Variants in HEATR5A observed in about 807,000 individuals in gnomAD.
HEATR5A encodes the protein HEAT repeat-containing protein 5A.
In HEATR5A, 178 loss-of-function variants were observed where a neutral mutation model predicts 218.8. The ratio of observed to expected loss-of-function variants is 0.81; its 90% CI spans 0.72 to 0.92. The LOEUF (loss-of-function observed/expected upper bound fraction) is 0.92. Ranked by LOEUF, HEATR5A falls within the 40% of genes least tolerant of loss-of-function variation. The probability of loss-of-function intolerance (pLI) is 0.00; values close to 1 mark genes in which losing one functional copy is unlikely to be tolerated. For synonymous variants in HEATR5A, 864 were observed against 871.6 expected (o/e 0.99, Z 0.15); for missense variants, 2,420 against 2,418.9 (o/e 1.00, Z -0.01).
In HEATR5A at chr14:31,313,157, G is replaced by A. The variant is rs1899810520; in HGVS notation, c.4252C>T (p.His1418Tyr). 6.2e-7 allele frequency: 1 copy of A among 1,613,564 alleles called. No individual in the cohort carries two copies. Among genetic ancestry groups the A allele is most frequent in the Non-Finnish European group, 8.5e-7 (1 of 1,179,698 alleles). Residue 1418 changes from histidine (H) to tyrosine (Y), a missense_variant, in exon 28 of 36, where the codon CAC becomes TAC. His to Tyr is a moderately conservative substitution (Grantham distance 83). Transcript: ENST00000543095. ...YIIAVQRHKN[H>Y]RQPLKTTTCL... The stretch of plus-strand genomic sequence containing the variant: ...GTGGTAGTCTTCAAAGGTTGTCTGT[G>A]GTTTTTATGTCTTTGCACAGCAATT...
intron 16 of HEATR5A, among the ~76,000 whole-genome samples, chr14:31,352,993 G>A (rs1901286279): frequency 1.1e-5 from 1 of 88,966 alleles, no homozygotes; most frequent in African/African-American, 3.5e-5. Flanking sequence ...AAAATAAAAT[G>A]TAATAAAAAT....
intron 10 of HEATR5A, 24 bp from the exon 11 acceptor site, chr14:31,380,602 TA>T: frequency 2.8e-6 from 4 of 1,440,674 alleles, no homozygotes; most frequent in Non-Finnish European, 3.8e-6. Context: ...GAACAAGTTT[TA>T]AAAAAAGCAT....
chr14:31,337,349 C>A, intron 22 of HEATR5A, 127 bp downstream of exon 22: 1 of 741,732 alleles, frequency 1.3e-6, no homozygotes, highest in African/African-American at 1.8e-5. Context: ...TAACTGTTAG[C>A]AATTCTTTCT....
In HEATR5A at chr14:31,302,372, C is replaced by T. The variant is rs1424069723; in HGVS notation, c.5387G>A (p.Arg1796Gln). 8.1e-6 allele frequency: 13 copies of T among 1,603,926 alleles called. No homozygotes were observed. Among genetic ancestry groups the T allele is most frequent in the African/African-American group, 4.0e-5 (3 of 74,750 alleles). ...LKGILSSPMA[R>Q]AEKSRTAWTD... ...CCAAGCAGTACGGCTCTTTTCTGCCCGGGCCATGGGAGAAGATAATATTCC... is the reference window on the plus strand; with the variant it reads ...CCAAGCAGTACGGCTCTTTTCTGCCTGGGCCATGGGAGAAGATAATATTCC... The change falls in exon 33 of 36, where the codon CGG (arginine) becomes CAG (glutamine). Residue 1796 changes from arginine (R) to glutamine (Q), a missense_variant. Arg to Gln is a conservative substitution (Grantham distance 43). Transcript: ENST00000543095.
chr14:31,337,577 G>A lies in HEATR5A; in HGVS notation c.3266C>T (p.Ala1089Val), dbSNP rs766633375. 1.8e-5 allele frequency: 28 copies of A among 1,599,258 alleles called. No individual in the cohort carries two copies. Among genetic ancestry groups the A allele is most frequent in the African/African-American group, 2.7e-5 (2 of 74,690 alleles). Reference protein sequence around the residue: ...LCSPYLLLRRAVLACLRQLVQ... With the variant: ...LCSPYLLLRRVVLACLRQLVQ... ...AAGCTGACGTAAGCAAGCCAGTACT[G>A]CTCTTCTCAGTAACAAGTAGGGGCT... The change falls in exon 22 of 36, where the codon GCA (alanine) becomes GTA (valine). Residue 1089 changes from alanine (A) to valine (V), a missense_variant. Physicochemically the swap from Ala to Val is moderately conservative, Grantham distance 64 (BLOSUM62 0). Coordinates refer to ENST00000543095, the MANE Select transcript of HEATR5A (RefSeq NM_015473.4).
intron 26 of HEATR5A, among the ~76,000 whole-genome samples, chr14:31,316,263 G>T (rs1162133337): frequency 6.6e-6 from 1 of 152,008 alleles, no homozygotes. Flanking sequence ...CCTCTAGATT[G>T]GGTGGCAGAG....
chr14:31,403,832 C>T (rs7359020), intron 1 of HEATR5A, among the ~76,000 whole-genome samples: 2,412 of 152,164 alleles, frequency 0.016, 57 homozygotes, highest in African/African-American at 0.055. Context: ...ACAGAGCACA[C>T]GCAGCATATA....
intron 19 of HEATR5A, among the ~76,000 whole-genome samples, chr14:31,346,163 C>T (rs1901014919): frequency 6.6e-6 from 1 of 152,036 alleles, no homozygotes; most frequent in Non-Finnish European, 1.5e-5. Flanking sequence ...AAATGAGCTC[C>T]TATTTGTTAG....
chr14:31,344,109 A>C (rs942594696), intron 20 of HEATR5A, 44 bp from the exon 21 acceptor site: 4 of 1,183,288 alleles, frequency 3.4e-6, no homozygotes, highest in Non-Finnish European at 4.6e-6. Flanking sequence ...GCCTATAAAA[A>C]CATTACTCTT....
At chr14:31,308,845 A>T in intron 29 of HEATR5A, 89 bp downstream of exon 29, 1 of 1,152,438 alleles carries the variant, frequency 8.7e-7, no homozygotes, top group East Asian at 2.6e-5. Flanking sequence ...ACTGTACTCC[A>T]GCCTGGGTGA....
At chr14:31,348,035 T>C in intron 18 of HEATR5A, 128 bp from the exon 19 acceptor site, 1 of 513,882 alleles carries the variant, frequency 1.9e-6, no homozygotes, top group Non-Finnish European at 3.2e-6. Context: ...AGAAATACAT[T>C]TTTGGCTAAC....
intron 32 of HEATR5A, among the ~76,000 whole-genome samples, chr14:31,303,151 G>A (rs541361594): frequency 1.2e-3 from 177 of 151,830 alleles, no homozygotes; most frequent in Middle Eastern, 6.8e-3. Context: ...AACACCTTTA[G>A]TGGCTGAGTG....
At chr14:31,316,226 G>A (rs1339873806) in intron 26 of HEATR5A, among the ~76,000 whole-genome samples, 1 of 152,106 alleles carries the variant, frequency 6.6e-6, no homozygotes, top group African/African-American at 2.4e-5. Flanking sequence ...AGGCCACAGT[G>A]AGCTAGGATT....
chr14:31,371,785 T>C lies in HEATR5A; in HGVS notation c.1961+25A>G, dbSNP rs115846845. 483 of 1,205,710 alleles carry C rather than the reference T, an allele frequency of 4.0e-4. 4 individuals are homozygous for C. The highest frequency in any genetic ancestry group is 2.6e-3 in the African/African-American group (164 of 64,100). The allele number at this position is 1,205,710 out of a possible 1,614,324, so 74.7% of individuals were successfully genotyped here. A position where few individuals can be genotyped will look rare whatever the true frequency, so the allele number is the denominator to read the frequency against. ...ATATTACATAATCAGAGGGCAACTATCAAATCTAAACAGTCGATGCTTACT... is the reference window on the plus strand; with the variant it reads ...ATATTACATAATCAGAGGGCAACTACCAAATCTAAACAGTCGATGCTTACT... On this transcript the variant is annotated intron_variant, in intron 13 of 35. Transcript: ENST00000543095.
intron 1 of HEATR5A, 187 bp downstream of exon 1, chr14:31,420,285 C>T (rs532104737): frequency 1.3e-5 from 2 of 152,420 alleles, no homozygotes; most frequent in African/African-American, 2.4e-5. Flanking sequence ...AGACACCTAG[C>T]CCCTCGACCG....
chr14:31,356,538 A>C (rs138835739), intron 16 of HEATR5A, among the ~76,000 whole-genome samples: 181 of 152,234 alleles, frequency 1.2e-3, no homozygotes, highest in Non-Finnish European at 1.7e-3. Context: ...CTGGTCACCT[A>C]CTATTTTTTT....
In HEATR5A at chr14:31,293,100, G is replaced by T; in HGVS notation, c.*205C>A. The T allele has an allele frequency of 4.4e-6, 2 of 454,116 alleles. No homozygotes were observed. Among genetic ancestry groups the T allele is most frequent in the Non-Finnish European group, 7.7e-6 (2 of 260,428 alleles). 28.1% of individuals were successfully genotyped at this position (454,116 alleles called of 1,614,324 possible). On this transcript the variant is annotated 3_prime_UTR_variant, in exon 36 of 36. Transcript: ENST00000543095. Reference sequence around the variant, plus strand: ...GTTAGCTCCATTGTCTTTTTAAATAGAAAAACAAAACAAAACAAAACACAA... The same window carrying T: ...GTTAGCTCCATTGTCTTTTTAAATATAAAAACAAAACAAAACAAAACACAA...
At chr14:31,360,440 T>C (rs368769379) in intron 14 of HEATR5A, among the ~76,000 whole-genome samples, 3 of 152,308 alleles carry the variant, frequency 2.0e-5, no homozygotes, top group South Asian at 2.1e-4. Flanking sequence ...ATAAGTGGTA[T>C]TGTGTTCTCC....
At chr14:31,320,498 G>A (rs1442136460) in intron 25 of HEATR5A, 2 of 1,327,448 alleles carry the variant, frequency 1.5e-6, no homozygotes, top group East Asian at 4.6e-5. Context: ...CACCTGGAGT[G>A]GGGAGCTGCT....
Sources: gnomAD v4.1 joint callset for allele counts (sites outside exome capture counted in the v4.1 genomes callset) on GRCh38, gnomAD v4.1.1 for gene constraint, MANE v1.5 for transcripts, NCBI Gene and HGNC (gene_info 2026-07-23, HGNC 2026-07-21) for gene names.